UGT1A8: variants seen among roughly 807,000 people sequenced by gnomAD.
UGT1A8 encodes UDP-glucuronosyltransferase 1A8.
In UGT1A8, 39 loss-of-function variants were observed where a neutral mutation model predicts 45.3. The observed-to-expected ratio is 0.86, with a 90% CI of 0.67 to 1.12. The LOEUF is 1.12. Among genes scored for constraint, UGT1A8 ranks in the 50% most tolerant of loss-of-function variants. The pLI, the probability that UGT1A8 is intolerant of heterozygous loss-of-function variation, is 0.00. For missense variants in UGT1A8, 719 were observed against 664.9 expected, an observed-to-expected ratio of 1.08 and a Z score of -0.90; for synonymous variants, 275 against 249.2, an observed-to-expected ratio of 1.10 and a Z score of -0.97.
chr2:233,766,183 A>T (rs1370975589), intron 1 of UGT1A8, among the ~76,000 whole-genome samples: 1 of 152,070 alleles, frequency 6.6e-6, no homozygotes, highest in African/African-American at 2.4e-5. Flanking sequence ...TATTGAGTGG[A>T]TGTAGCTCTC....
chr2:233,691,425 T>G, intron 1 of UGT1A8: 10 of 985,586 alleles, frequency 1.0e-5, no homozygotes, highest in Non-Finnish European at 1.2e-5. Context: ...CCTCTAATCA[T>G]GTTGCTCAGG....
In UGT1A8 at chr2:233,617,816, C is replaced by T. The variant is rs771314600; in HGVS notation, c.109C>T (p.His37Tyr). 4 of 1,614,014 alleles carry T rather than the reference C, an allele frequency of 2.5e-6. No homozygotes were observed. The South Asian group carries it at 3.3e-5, about 13-fold the overall frequency. Reference sequence around the variant, plus strand: ...GCTGGTAGTGCCCATGGATGGGAGTCACTGGTTCACCATGCAGTCGGTGGT... The same window carrying T: ...GCTGGTAGTGCCCATGGATGGGAGTTACTGGTTCACCATGCAGTCGGTGGT... The part of the protein sequence containing the change: ...KLLVVPMDGS[H>Y]WFTMQSVVEK... Residue 37 changes from histidine to tyrosine, a missense_variant, in exon 1 of 5, where the codon CAC (histidine) becomes TAC (tyrosine). Coordinates refer to ENST00000373450, the MANE Select transcript of UGT1A8 (RefSeq NM_019076.5).
chr2:233,743,498 G>A (rs1452384888), intron 1 of UGT1A8: 3 of 1,367,176 alleles, frequency 2.2e-6, no homozygotes, highest in Middle Eastern at 2.1e-4. Context: ...GCAGAGAAAA[G>A]GGGTGCAGAC....
At chr2:233,629,120 TC>T (rs1473956766) in intron 1 of UGT1A8, among the ~76,000 whole-genome samples, 3 of 151,916 alleles carry the variant, frequency 2.0e-5, no homozygotes, top group African/African-American at 7.3e-5. Context: ...AATACTCCAT[TC>T]CCCCCTCCTC....
At chr2:233,770,709 G>A (rs1700141819) in intron 4 of UGT1A8, 2 of 151,546 alleles carry the variant, frequency 1.3e-5, no homozygotes, top group East Asian at 3.9e-4. Context: ...TAAGGTTTAT[G>A]TAAAAGGAAG....
intron 1 of UGT1A8, among the ~76,000 whole-genome samples, chr2:233,647,465 T>A (rs2073634610): frequency 6.6e-6 from 1 of 152,224 alleles, no homozygotes; most frequent in African/African-American, 2.4e-5. Context: ...TTGGTATTAT[T>A]TCTTCCTTCA....
chr2:233,729,081 G>A lies in UGT1A8; in HGVS notation c.856-37953G>A, dbSNP rs376039648. 312 of 1,612,238 alleles carry A rather than the reference G, an allele frequency of 1.9e-4. No individual in the cohort carries two copies. The African/African-American group carries it at 3.8e-3, about 20-fold the overall frequency. On this transcript the variant is annotated intron_variant, in intron 1 of 4. Coordinates refer to ENST00000373450, the MANE Select transcript of UGT1A8 (RefSeq NM_019076.5). ...TAAGATGAAGAAAGCAAATGTAGCAGGCACAGCGTGGGGTGGACAGTCAGC... is the reference window on the plus strand; with the variant it reads ...TAAGATGAAGAAAGCAAATGTAGCAAGCACAGCGTGGGGTGGACAGTCAGC...
chr2:233,757,927 A>C (rs1242249137), intron 1 of UGT1A8, among the ~76,000 whole-genome samples: 4 of 152,044 alleles, frequency 2.6e-5, no homozygotes, highest in African/African-American at 9.7e-5. Flanking sequence ...GCAGCCCCCA[A>C]AGCAAGACCA....
chr2:233,762,875 C>T (rs1698183827), intron 1 of UGT1A8, among the ~76,000 whole-genome samples: 1 of 152,150 alleles, frequency 6.6e-6, no homozygotes, highest in African/African-American at 2.4e-5. Flanking sequence ...TTGGTTTCTT[C>T]TCTTATAAAT....
intron 1 of UGT1A8, among the ~76,000 whole-genome samples, chr2:233,716,742 A>T (rs2076523181): frequency 6.6e-6 from 1 of 152,156 alleles, no homozygotes; most frequent in Non-Finnish European, 1.5e-5. Context: ...GCTCTGTGAG[A>T]TTGGGAGAGG....
intron 1 of UGT1A8, among the ~76,000 whole-genome samples, chr2:233,656,691 A>G (rs2073860521): frequency 6.6e-6 from 1 of 152,098 alleles, no homozygotes; most frequent in South Asian, 2.1e-4. Flanking sequence ...TTTAAACCAC[A>G]AAAGGGAGGG....
chr2:233,737,470 C>T (rs544364093), intron 1 of UGT1A8, among the ~76,000 whole-genome samples: 5 of 152,298 alleles, frequency 3.3e-5, no homozygotes, highest in African/African-American at 1.2e-4. Flanking sequence ...GTCATGGCTC[C>T]CCTTGTCTAG....
At chr2:233,692,791 C>A in intron 1 of UGT1A8, 1 of 1,367,752 alleles carries the variant, frequency 7.3e-7, no homozygotes, top group Non-Finnish European at 9.4e-7. Flanking sequence ...CAGGTGAAAG[C>A]TGACACGGCC....
rs532698035 is a variant in UGT1A8 at position 233,657,694 on chromosome 2, G to C, written c.855+39132G>C. Among the ~76,000 whole-genome samples the C allele has an allele frequency of 3.3e-5, 5 of 152,256 alleles. No individual in the cohort carries two copies. In the South Asian group the frequency reaches 1.0e-3, roughly 32 times the overall value. ...GATATGGTCAGTCTTTTTGATTGCA[G>C]CTATTCTAATGGGTATGTAAATTAA... On this transcript the variant is annotated intron_variant, in intron 1 of 4. Transcript: ENST00000373450.
intron 1 of UGT1A8, among the ~76,000 whole-genome samples, chr2:233,727,909 C>T (rs1033821575): frequency 6.6e-6 from 1 of 152,200 alleles, no homozygotes; most frequent in Non-Finnish European, 1.5e-5. Context: ...CAAGAAGACA[C>T]AGGGGCAGTG....
chr2:233,747,435 T>G, intron 1 of UGT1A8: 1 of 1,608,866 alleles, frequency 6.2e-7, no homozygotes, highest in Non-Finnish European at 8.5e-7. Context: ...AGAGAAATTT[T>G]TCACCCTGAC....
Position 233,618,216 on chromosome 2 carries a change from G to A in UGT1A8, c.509G>A (p.Arg170Lys), listed in dbSNP as rs1405499570. 6.2e-7 allele frequency: 1 copy of A among 1,613,978 alleles called. No homozygotes were observed. Among genetic ancestry groups the A allele is most frequent in the South Asian group, 1.1e-5 (1 of 91,070 alleles). ...TCCCTCCCCTCTGTGGTCTTCGCCAGGGGAATAGCTTGCCACTATCTTGAA... is the reference window on the plus strand; with the variant it reads ...TCCCTCCCCTCTGTGGTCTTCGCCAAGGGAATAGCTTGCCACTATCTTGAA... ...YFSLPSVVFA[R>K]GIACHYLEEG... is the part of the protein sequence containing the mutation. The change falls in exon 1 of 5, where the codon AGG becomes AAG. Residue 170 changes from arginine to lysine, a missense_variant. Arg to Lys is a conservative substitution (Grantham distance 26, BLOSUM62 2). Coordinates refer to ENST00000373450, the MANE Select transcript of UGT1A8 (RefSeq NM_019076.5).
Position 233,769,821 on chromosome 2 carries a change from C to A in UGT1A8, c.1295+1382C>A. The A allele has an allele frequency of 5.1e-6, 4 of 785,016 alleles. No individual in the cohort carries two copies. The highest frequency in any genetic ancestry group is 7.3e-6 in the Non-Finnish European group (4 of 547,448). 48.6% of individuals were successfully genotyped at this position (785,016 alleles called of 1,614,324 possible). A position where few individuals can be genotyped will look rare whatever the true frequency, so the allele number is the denominator to read the frequency against. On this transcript the variant is annotated intron_variant, in intron 4 of 4. Coordinates refer to ENST00000373450, the MANE Select transcript of UGT1A8 (RefSeq NM_019076.5). The surrounding 1 kb of genome is among the most constrained non-coding windows in gnomAD (Gnocchi z 4.4). ...TATGAGCCGTGATCATGCCACTGCA[C>A]TCCAGCAACCTGGGCAACAGAGTGA...
chr2:233,692,976 T>C (rs550082813), intron 1 of UGT1A8: 3 of 1,612,736 alleles, frequency 1.9e-6, no homozygotes, highest in Admixed American at 1.7e-5. Context: ...AAACTCTTTA[T>C]TACCGTTGTT....
Sources: gnomAD v4.1 joint callset for allele counts (sites outside exome capture counted in the v4.1 genomes callset) on GRCh38, gnomAD v4.1.1 for gene constraint, Gnocchi (gnomAD v3.1) non-coding constraint, MANE v1.5 for transcripts, NCBI Gene and HGNC (gene_info 2026-07-23, HGNC 2026-07-21) for gene names.